Variants in RAD54B observed in about 807,000 individuals in gnomAD.
RAD54B encodes the protein DNA repair and recombination protein RAD54B.
Under a neutral mutation model 95.8 loss-of-function variants are expected in RAD54B, and 78 were observed. That is an observed-to-expected ratio of 0.81 (90% confidence interval 0.68 to 0.98). RAD54B has a LOEUF of 0.98. Among genes scored for constraint, RAD54B ranks in the 50% least tolerant of loss-of-function variants. RAD54B has a pLI of 0.00. For synonymous variants in RAD54B, 328 were observed against 354.9 expected (o/e 0.92, Z 0.85); for missense variants, 957 against 1,056.6 (o/e 0.91, Z 1.31).
At chr8:94,469,347 AC>A (rs1429950991) in intron 1 of RAD54B, among the ~76,000 whole-genome samples, 1 of 152,156 alleles carries the variant, frequency 6.6e-6, no homozygotes, top group African/African-American at 2.4e-5. Context: ...GTTCCCCTGC[AC>A]AAACTCTCTT....
intron 3 of RAD54B, among the ~76,000 whole-genome samples, chr8:94,439,775 A>C (rs1399174535): frequency 1.3e-5 from 2 of 152,234 alleles, no homozygotes; most frequent in African/African-American, 2.4e-5. Context: ...ATCAATAGAA[A>C]GGAAATGTAT....
chr8:94,473,420 T>C (rs536196896), intron 1 of RAD54B, among the ~76,000 whole-genome samples: 2 of 152,312 alleles, frequency 1.3e-5, no homozygotes, highest in Non-Finnish European at 2.9e-5. Flanking sequence ...TCTTGCACAG[T>C]TTACTTTGGC....
rs536357523 is a variant in RAD54B at position 94,384,516 on chromosome 8, T to C, written c.1985+2468A>G. Among the ~76,000 whole-genome samples the C allele has an allele frequency of 4.3e-3, 150 of 34,654 alleles. 1 individual carries two copies. The highest frequency in any genetic ancestry group is 7.9e-3 in the Admixed American group (19 of 2,404). The allele number at this position is 34,654 out of a possible 152,430, so 22.7% of individuals were successfully genotyped here. On this transcript the variant is annotated intron_variant, in intron 11 of 14. Coordinates refer to ENST00000336148, the MANE Select transcript of RAD54B (RefSeq NM_012415.3). ...GGGAAAATAAGGAGTTGGTGTTTAA[T>C]AGATTTCAGTTTTGTTTGCAAAACT...
chr8:94,439,389 G>C (rs952872964), intron 3 of RAD54B, among the ~76,000 whole-genome samples: 1 of 152,142 alleles, frequency 6.6e-6, no homozygotes, highest in Non-Finnish European at 1.5e-5. Flanking sequence ...TCCATATCAT[G>C]GTCTACTCCA....
intron 11 of RAD54B, 145 bp from the exon 12 acceptor site, chr8:94,380,551 C>T: frequency 1.2e-6 from 1 of 863,174 alleles, no homozygotes; most frequent in Non-Finnish European, 1.7e-6. Flanking sequence ...CATAGGTATT[C>T]CTGCATATTC....
intron 2 of RAD54B, among the ~76,000 whole-genome samples, chr8:94,465,865 G>A (rs1813012582): frequency 6.6e-6 from 1 of 152,174 alleles, no homozygotes; most frequent in Non-Finnish European, 1.5e-5. Context: ...CTACAACATG[G>A]ATGAACCTTG....
chr8:94,378,270 GTTC>G lies in RAD54B; in HGVS notation c.2422_2424del (p.Glu808del), dbSNP rs769071550. On this transcript the variant is annotated inframe_deletion, in exon 14 of 15. Coordinates refer to ENST00000336148, the MANE Select transcript of RAD54B (RefSeq NM_012415.3). ...TCATGTAATGTGAACAAATTTTTAA[GTTC>G]TTCTACTGAAAACTGAATATGTTCA... 5.0e-6 allele frequency: 8 copies of G among 1,613,480 alleles called. No individual in the cohort carries two copies. The South Asian group carries it at 5.5e-5, about 11-fold the overall frequency.
At chr8:94,446,657 C>T (rs1812527808) in intron 3 of RAD54B, among the ~76,000 whole-genome samples, 1 of 152,154 alleles carries the variant, frequency 6.6e-6, no homozygotes, top group Non-Finnish European at 1.5e-5. Flanking sequence ...TCAAAGTCCA[C>T]CCTGAAGTAC....
chr8:94,380,096 G>C lies in RAD54B; in HGVS notation c.2247+49C>G, dbSNP rs761655694. On this transcript the variant is annotated intron_variant, in intron 12 of 14. Transcript: ENST00000336148. ...TATCTTTGTATCCTCAATAGGCATT[G>C]TATCCTCAGGCATTCAATAATATCT... 1.2e-5 allele frequency: 18 copies of C among 1,525,550 alleles called. No individual in the cohort carries two copies. In the South Asian group the frequency reaches 2.2e-4, roughly 19 times the overall value. The allele number at this position is 1,525,550 out of a possible 1,614,324, so 94.5% of individuals were successfully genotyped here.
intron 10 of RAD54B, among the ~76,000 whole-genome samples, chr8:94,391,332 AG>A (rs1432856492): frequency 6.6e-6 from 1 of 151,590 alleles, no homozygotes; most frequent in African/African-American, 2.4e-5. Context: ...ACGATCGCCA[AG>A]TATTAGATAA....
Position 94,378,375 on chromosome 8 carries a change from T to C in RAD54B, c.2320A>G (p.Ile774Val). Residue 774 changes from isoleucine (I) to valine (V), a missense_variant, in exon 14 of 15, where the codon ATA becomes GTA. Physicochemically the swap from Ile to Val is conservative, Grantham distance 29 (BLOSUM62 3). Transcript: ENST00000336148. Reference protein sequence around the residue: ...HIYRLLTTGTIEEKIYQRQIS... With the variant: ...HIYRLLTTGTVEEKIYQRQIS... ...TGCCTTTGATAGATCTTTTCTTCTA[T>C]TGTACCTAAAGAGAAAACATTAATT... 6.2e-7 allele frequency: 1 copy of C among 1,611,634 alleles called. No homozygotes were observed. Among genetic ancestry groups the C allele is most frequent in the Non-Finnish European group, 8.5e-7 (1 of 1,178,876 alleles).
chr8:94,417,142 A>G (rs1315302563), intron 3 of RAD54B, among the ~76,000 whole-genome samples: 1 of 152,204 alleles, frequency 6.6e-6, no homozygotes, highest in African/African-American at 2.4e-5. Flanking sequence ...CACAAAGGCC[A>G]TATATTTTAG....
At chr8:94,398,301 T>C (rs1271346864) in intron 8 of RAD54B, among the ~76,000 whole-genome samples, 1 of 152,132 alleles carries the variant, frequency 6.6e-6, no homozygotes, top group Non-Finnish European at 1.5e-5. Context: ...CTTTTGATAA[T>C]GGTTAATACA....
At chr8:94,408,425 A>G (rs1184802776) in intron 4 of RAD54B, among the ~76,000 whole-genome samples, 3 of 152,162 alleles carry the variant, frequency 2.0e-5, no homozygotes, top group Non-Finnish European at 2.9e-5. Flanking sequence ...TATTAAATGC[A>G]TTAAACTATT....
At chr8:94,460,724 T>TGTTTTAAG (rs1563665716) in intron 2 of RAD54B, among the ~76,000 whole-genome samples, 1 of 152,050 alleles carries the variant, frequency 6.6e-6, no homozygotes, top group African/African-American at 2.4e-5. Context: ...AGGGCTGAGT[T>TGTTTTAAG]CCTTTCTGGA....
At chr8:94,453,536 T>A (rs936875104) in intron 3 of RAD54B, among the ~76,000 whole-genome samples, 6 of 151,834 alleles carry the variant, frequency 4.0e-5, no homozygotes, top group African/African-American at 1.4e-4. Flanking sequence ...CTCAAAAAAA[T>A]AAATAAATAA....
rs180892612 is a variant in RAD54B, at chr8:94,433,934, C to T, written c.305-22619G>A. On this transcript the variant is annotated intron_variant, in intron 3 of 14. Coordinates refer to ENST00000336148, the MANE Select transcript of RAD54B (RefSeq NM_012415.3). ...ACTACCCATACGTTACTTACTAATG[C>T]CATTAAATTGCCAGAAATATCAGAT... is the stretch of plus-strand genomic sequence containing the variant. Among the ~76,000 whole-genome samples the T allele has an allele frequency of 1.1e-4, 17 of 151,450 alleles. No individual in the cohort carries two copies. In the East Asian group the frequency reaches 1.6e-3, roughly 14 times the overall value.
At chr8:94,380,071 T>C (rs1453696905) in intron 12 of RAD54B, 74 bp downstream of exon 12, 1 of 1,447,228 alleles carries the variant, frequency 6.9e-7, no homozygotes, top group East Asian at 2.3e-5. Context: ...ATATCATCAT[T>C]ATCTTTGTAT....
At chr8:94,429,542 G>C (rs1586163119) in intron 3 of RAD54B, 1 of 983,976 alleles carries the variant, frequency 1.0e-6, no homozygotes. Context: ...AAACTGTAAA[G>C]TGAATTACAT....
Sources: allele counts gnomAD v4.1 joint callset (sites outside exome capture counted in the v4.1 genomes callset), GRCh38; gene constraint gnomAD v4.1.1; transcripts MANE v1.5; gene names NCBI Gene and HGNC (gene_info 2026-07-23, HGNC 2026-07-21).